VAT1L: variants seen among roughly 807,000 people sequenced by gnomAD.
VAT1L encodes vesicle amine transport 1 like, also known as putative NADPH-dependent quinone oxidoreductase VAT1L.
In VAT1L, 34 loss-of-function variants were observed where a neutral mutation model predicts 44.1. The observed-to-expected ratio is 0.77, with a 90% CI of 0.59 to 1.03. The LOEUF is 1.03. VAT1L is among the 50% of genes least tolerant of loss of function. The pLI, the probability that VAT1L is intolerant of heterozygous loss-of-function variation, is 0.00. For synonymous variants in VAT1L, 253 were observed against 202.2 expected, an observed-to-expected ratio of 1.25 and a Z score of -2.13; for missense variants, 615 against 538.8, an observed-to-expected ratio of 1.14 and a Z score of -1.40.
At chr16:77,794,657 G>A (rs1022869595) in intron 1 of VAT1L, among the ~76,000 whole-genome samples, 19 of 152,192 alleles carry the variant, frequency 1.2e-4, no homozygotes, top group African/African-American at 4.6e-4. Context: ...AGGTTAAGAT[G>A]TTTGTAAAAC....
chr16:77,923,052 G>A lies in VAT1L; in HGVS notation c.1077+38250G>A, dbSNP rs527340349. Among the ~76,000 whole-genome samples, 3 of 152,312 alleles carry A rather than the reference G, an allele frequency of 2.0e-5. No individual in the cohort carries two copies. The South Asian group carries it at 6.2e-4, about 32-fold the overall frequency. On this transcript the variant is annotated intron_variant, in intron 7 of 8. Transcript: ENST00000302536. ...GTTCCTTGCCACAGTGGTGGGCTTT[G>A]GAGAGTTCTCCCAGCTCTCAATTCC...
chr16:77,958,006 C>G (rs2018122126), intron 7 of VAT1L, among the ~76,000 whole-genome samples: 1 of 152,054 alleles, frequency 6.6e-6, no homozygotes, highest in Non-Finnish European at 1.5e-5. Context: ...CCACCAGATT[C>G]AAGTGATTCT....
rs79671255 is a variant in VAT1L, at chr16:77,858,578, G to A, written c.580-4170G>A. On this transcript the variant is annotated intron_variant, in intron 3 of 8. Transcript: ENST00000302536. The stretch of plus-strand genomic sequence containing the variant: ...GTATTGCTAACCAAATATTTTAGAC[G>A]AGTGAACAGAGGTGCCAATACGTTG... Among the ~76,000 whole-genome samples, 1,201 of 152,216 alleles carry A rather than the reference G, an allele frequency of 7.9e-3. 11 individuals carry two copies. The highest frequency in any genetic ancestry group is 0.033 in the East Asian group (169 of 5,160).
At chr16:77,810,407 A>G (rs2016244083) in intron 1 of VAT1L, among the ~76,000 whole-genome samples, 1 of 152,188 alleles carries the variant, frequency 6.6e-6, no homozygotes, top group African/African-American at 2.4e-5. Flanking sequence ...ATAAAGTTTG[A>G]GAACCATTCA....
intron 7 of VAT1L, among the ~76,000 whole-genome samples, chr16:77,944,121 G>A (rs748865860): frequency 6.6e-6 from 1 of 152,126 alleles, no homozygotes; most frequent in Non-Finnish European, 1.5e-5. Context: ...AAGTATGACT[G>A]GGATCTAGTG....
chr16:77,833,301 C>A (rs1287861168), intron 3 of VAT1L, among the ~76,000 whole-genome samples: 1 of 152,114 alleles, frequency 6.6e-6, no homozygotes, highest in East Asian at 1.9e-4. Context: ...CAGGGAGATA[C>A]AAGGTGATAT....
intron 3 of VAT1L, among the ~76,000 whole-genome samples, chr16:77,835,755 C>CCCAG (rs1371474349): frequency 6.6e-6 from 1 of 152,132 alleles, no homozygotes; most frequent in African/African-American, 2.4e-5. Flanking sequence ...TGCCTGTAAT[C>CCCAG]CCAGCTACTC....
chr16:77,867,914 G>T (rs888820532), intron 4 of VAT1L, among the ~76,000 whole-genome samples: 1 of 151,528 alleles, frequency 6.6e-6, no homozygotes, highest in East Asian at 1.9e-4. Flanking sequence ...CAAAACATTG[G>T]GTGGGAAATG....
At chr16:77,825,121 C>A in intron 2 of VAT1L, 125 bp from the exon 3 acceptor site, 1 of 968,710 alleles carries the variant, frequency 1.0e-6, no homozygotes, top group Non-Finnish European at 1.6e-6. Flanking sequence ...CCCACCTCAG[C>A]CTCCCAAAGT....
intron 7 of VAT1L, among the ~76,000 whole-genome samples, chr16:77,924,178 T>C (rs2017642094): frequency 1.3e-5 from 2 of 152,202 alleles, no homozygotes; most frequent in Admixed American, 6.5e-5. Flanking sequence ...CGAGTCAATG[T>C]TGTGGTCTTT....
At chr16:77,928,007 T>C (rs683987) in intron 7 of VAT1L, among the ~76,000 whole-genome samples, 149,825 of 152,360 alleles carry the variant, frequency 0.98, 73,707 homozygotes, top group South Asian at 1. Flanking sequence ...TCCTTCCCAT[T>C]AGGATGGGAT....
At position 77,978,665 on chromosome 16, in the gene VAT1L, C is replaced by G. The variant is rs1027638380; in HGVS notation, c.*970C>G. The G allele has an allele frequency of 3.9e-5, 6 of 152,316 alleles. No individual in the cohort carries two copies. The South Asian group carries it at 8.3e-4, about 21-fold the overall frequency. The allele number at this position is 152,316 out of a possible 1,614,324, so 9.4% of individuals were successfully genotyped here. ...CATCTCCTTCCTTGCCAAAGCATGT[C>G]CCAACATGTAACAAACTCTAGGGAT... On this transcript the variant is annotated 3_prime_UTR_variant, in exon 9 of 9. Coordinates refer to ENST00000302536, the MANE Select transcript of VAT1L (RefSeq NM_020927.3).
intron 4 of VAT1L, among the ~76,000 whole-genome samples, chr16:77,863,569 A>G (rs373286041): frequency 1.5e-4 from 23 of 152,172 alleles, no homozygotes; most frequent in African/African-American, 5.6e-4. Context: ...CTGAACAGTG[A>G]AGCATGAGCC....
chr16:77,789,097 T>C (rs1434977038), intron 1 of VAT1L, among the ~76,000 whole-genome samples, 182 bp downstream of exon 1: 1 of 151,848 alleles, frequency 6.6e-6, no homozygotes, highest in Non-Finnish European at 1.5e-5. Flanking sequence ...AGGGGCGGCC[T>C]CCCCAAGCCA....
chr16:77,966,354 G>A (rs995812887), intron 7 of VAT1L, among the ~76,000 whole-genome samples: 1 of 152,118 alleles, frequency 6.6e-6, no homozygotes. Context: ...GGTTGAGGGT[G>A]GAGGGCAAAT....
Position 77,806,310 on chromosome 16 carries a change from A to T in VAT1L, c.234-10611A>T, listed in dbSNP as rs112778775. Among the ~76,000 whole-genome samples, 637 of 152,190 alleles carry T rather than the reference A, an allele frequency of 4.2e-3. 6 individuals carry two copies. Among genetic ancestry groups the T allele is most frequent in the African/African-American group, 0.015 (611 of 41,510 alleles). On this transcript the variant is annotated intron_variant, in intron 1 of 8. Coordinates refer to ENST00000302536, the MANE Select transcript of VAT1L (RefSeq NM_020927.3). Reference sequence around the variant, plus strand: ...TTGCAAGCTCCGCCTCCCGGGTTGAAGCCATTCTCCTGCCTCAGCCTCCCA... The same window carrying T: ...TTGCAAGCTCCGCCTCCCGGGTTGATGCCATTCTCCTGCCTCAGCCTCCCA...
chr16:77,926,062 A>C (rs1175635050), intron 7 of VAT1L, among the ~76,000 whole-genome samples: 1 of 150,368 alleles, frequency 6.7e-6, no homozygotes, highest in Non-Finnish European at 1.5e-5. Context: ...GGAGATCGAG[A>C]CCATCCTGGC....
At position 77,913,997 on chromosome 16, in the gene VAT1L, G is replaced by A. The variant is rs543387906; in HGVS notation, c.1077+29195G>A. 2.6e-5 allele frequency among the ~76,000 whole-genome samples: 4 copies of A among 152,148 alleles called. No individual in the cohort carries two copies. The South Asian group carries it at 6.2e-4, about 24-fold the overall frequency. On this transcript the variant is annotated intron_variant, in intron 7 of 8. Coordinates refer to ENST00000302536, the MANE Select transcript of VAT1L (RefSeq NM_020927.3). ...GCTGCCTTATTTTCTCAAGCTCTTT[G>A]GTCATCTGTTCTTTTGAAAACCAAA...
At chr16:77,847,534 C>G (rs2145265018) in intron 3 of VAT1L, among the ~76,000 whole-genome samples, 1 of 152,298 alleles carries the variant, frequency 6.6e-6, no homozygotes, top group South Asian at 2.1e-4. Flanking sequence ...GCCTGTCCAT[C>G]AGAGTGTGGA....
Sources: gnomAD v4.1 joint callset for allele counts (sites outside exome capture counted in the v4.1 genomes callset) on GRCh38, gnomAD v4.1.1 for gene constraint, MANE v1.5 for transcripts, NCBI Gene and HGNC (gene_info 2026-07-23, HGNC 2026-07-21) for gene names.